EXOC2: variants seen among roughly 807,000 people sequenced by gnomAD.
The protein encoded by EXOC2 is exocyst complex component 2.
Under a neutral mutation model 131.8 loss-of-function variants are expected in EXOC2, and 70 were observed. The ratio of observed to expected loss-of-function variants is 0.53; its 90% CI spans 0.44 to 0.65. The LOEUF (loss-of-function observed/expected upper bound fraction) is 0.65, where lower values mean the gene tolerates loss of function less well. Ranked by LOEUF, EXOC2 falls within the 30% of genes least tolerant of loss-of-function variation. EXOC2 has a pLI of 0.00. For synonymous variants in EXOC2, 411 were observed against 398.4 expected (o/e 1.03, Z -0.38); for missense variants, 923 against 1,108.6 (o/e 0.83, Z 2.38).
intron 1 of EXOC2, among the ~76,000 whole-genome samples, chr6:691,735 T>C (rs1764936063): frequency 6.6e-6 from 1 of 152,200 alleles, no homozygotes; most frequent in Admixed American, 6.5e-5. Context: ...CAACTGTAGT[T>C]CAAAATGGCA....
At chr6:575,502 G>T (rs541408681) in intron 12 of EXOC2, among the ~76,000 whole-genome samples, 23 of 150,728 alleles carry the variant, frequency 1.5e-4, no homozygotes, top group African/African-American at 5.4e-4. Context: ...CCTCTCCCTC[G>T]CTCCCTCTCC....
chr6:606,237 A>C (rs1274006798), intron 7 of EXOC2, among the ~76,000 whole-genome samples: 1 of 152,192 alleles, frequency 6.6e-6, no homozygotes, highest in African/African-American at 2.4e-5. Context: ...TGGACACAGG[A>C]AGGGGACCAT....
chr6:599,356 T>G (rs79399624), intron 7 of EXOC2, 131 bp from the exon 8 acceptor site: 43,591 of 841,184 alleles, frequency 0.052, 2,211 homozygotes, highest in African/African-American at 0.23. Context: ...TGTTTTTCAG[T>G]TTAGGGGATC....
chr6:629,298 C>T (rs1187894441), intron 4 of EXOC2, among the ~76,000 whole-genome samples: 3 of 152,112 alleles, frequency 2.0e-5, no homozygotes, highest in Non-Finnish European at 4.4e-5. Flanking sequence ...ATAAAAGTTA[C>T]TAAAACACTG....
chr6:505,733 A>G (rs1343630547), intron 23 of EXOC2, among the ~76,000 whole-genome samples: 1 of 151,964 alleles, frequency 6.6e-6, no homozygotes, highest in African/African-American at 2.4e-5. Flanking sequence ...TGGACCGTAC[A>G]CTCCACAGCA....
intron 23 of EXOC2, among the ~76,000 whole-genome samples, chr6:501,251 TTA>T (rs1561786268): frequency 1.8e-4 from 1 of 5,434 alleles, no homozygotes; most frequent in Non-Finnish European, 3.9e-4. Context: ...TCTATATATA[TTA>T]TATATATCTA....
intron 7 of EXOC2, among the ~76,000 whole-genome samples, chr6:605,112 A>G (rs766651120): frequency 1.2e-4 from 19 of 152,200 alleles, no homozygotes; most frequent in Non-Finnish European, 2.5e-4. Context: ...CTTACAGAGG[A>G]AGGACTAAAA....
intron 4 of EXOC2, among the ~76,000 whole-genome samples, chr6:627,465 C>A (rs1005349638): frequency 3.3e-5 from 5 of 152,208 alleles, no homozygotes; most frequent in African/African-American, 1.2e-4. Context: ...GGGCCCTCCC[C>A]GTGTTCCCTG....
intron 1 of EXOC2, among the ~76,000 whole-genome samples, chr6:641,881 G>GAA (rs2127722791): frequency 6.6e-6 from 1 of 151,194 alleles, no homozygotes; most frequent in Non-Finnish European, 1.5e-5. Context: ...GCAAATGCCA[G>GAA]TTAGTTCTCT....
At position 632,929 on chromosome 6, in the gene EXOC2, G is replaced by T. The variant is rs1405520882; in HGVS notation, c.295+12C>A. On this transcript the variant is annotated intron_variant, in intron 3 of 27. Coordinates refer to ENST00000230449, the MANE Select transcript of EXOC2 (RefSeq NM_018303.6). ...ACTTTCTTCTTTAGAATAAACCCAT[G>T]AAAGACTTTACCTATTTTCTCAGGT... 5.6e-6 allele frequency: 9 copies of T among 1,600,450 alleles called. No homozygotes were observed. In the South Asian group the frequency reaches 8.9e-5, roughly 16 times the overall value.
chr6:685,863 G>T (rs1199304731), intron 1 of EXOC2, among the ~76,000 whole-genome samples: 2 of 128,396 alleles, frequency 1.6e-5, no homozygotes, highest in Non-Finnish European at 3.4e-5. Flanking sequence ...CTGCTTTCCT[G>T]GACCTCTTTT....
chr6:515,272 C>G (rs373473063), intron 23 of EXOC2, among the ~76,000 whole-genome samples: 1 of 152,138 alleles, frequency 6.6e-6, no homozygotes, highest in Admixed American at 6.5e-5. Flanking sequence ...AAAACAAACA[C>G]GCAAACAAAA....
chr6:582,644 C>G (rs2143333), intron 11 of EXOC2, among the ~76,000 whole-genome samples: 1 of 144,902 alleles, frequency 6.9e-6, no homozygotes, highest in Non-Finnish European at 1.5e-5. Context: ...GGTGGGGGTG[C>G]GGTGGGCGTA....
chr6:613,379 C>A (rs1760813948), intron 6 of EXOC2, among the ~76,000 whole-genome samples: 1 of 151,778 alleles, frequency 6.6e-6, no homozygotes, highest in South Asian at 2.1e-4. Context: ...CTGAAAAAAA[C>A]CAGACTTGGA....
At chr6:672,252 G>A (rs998625756) in intron 1 of EXOC2, among the ~76,000 whole-genome samples, 5 of 152,132 alleles carry the variant, frequency 3.3e-5, no homozygotes, top group African/African-American at 1.2e-4. Context: ...TTCTGTTAGT[G>A]TTATTTCTAC....
intron 23 of EXOC2, chr6:525,275 T>C (rs896086877): frequency 2.0e-5 from 3 of 152,260 alleles, no homozygotes; most frequent in African/African-American, 7.2e-5. Context: ...AAGTGTAAGA[T>C]AGTGCTACTA....
At chr6:673,077 T>C (rs1763943992) in intron 1 of EXOC2, among the ~76,000 whole-genome samples, 1 of 151,784 alleles carries the variant, frequency 6.6e-6, no homozygotes, top group Non-Finnish European at 1.5e-5. Context: ...CTGGCCAACA[T>C]GGTGAAACCC....
At chr6:634,455 T>C (rs1421590218) in intron 2 of EXOC2, among the ~76,000 whole-genome samples, 2 of 152,194 alleles carry the variant, frequency 1.3e-5, no homozygotes, top group East Asian at 3.8e-4. Flanking sequence ...AATGGCAATG[T>C]TTTCTTTCGG....
chr6:499,472 C>G lies in EXOC2; in HGVS notation c.2436+173G>C, dbSNP rs796774137. ...ACACACACACACACACACACACACA[C>G]AGAGACAGAGAGAGACAGACAGTGC... On this transcript the variant is annotated intron_variant, in intron 24 of 27. Transcript: ENST00000230449. Among the ~76,000 whole-genome samples, 934 of 146,928 alleles carry G rather than the reference C, an allele frequency of 6.4e-3. 17 individuals carry two copies. Among genetic ancestry groups the G allele is most frequent in the African/African-American group, 0.021 (861 of 40,084 alleles).
Sources: allele counts gnomAD v4.1 joint callset (sites outside exome capture counted in the v4.1 genomes callset), GRCh38; gene constraint gnomAD v4.1.1; transcripts MANE v1.5; gene names NCBI Gene and HGNC (gene_info 2026-07-23, HGNC 2026-07-21).